ELAPOR1: variants seen among roughly 807,000 people sequenced by gnomAD.
The protein encoded by ELAPOR1 is endosome-lysosome associated apoptosis and autophagy regulator 1.
A neutral mutation model predicts 119.7 loss-of-function variants in ELAPOR1; 77 were observed. The ratio of observed to expected loss-of-function variants is 0.64; its 90% CI spans 0.54 to 0.78. ELAPOR1 has a LOEUF of 0.78. Ranked by LOEUF, ELAPOR1 falls within the 30% of genes least tolerant of loss-of-function variation. The pLI is 0.00. For missense variants in ELAPOR1, 1,115 were observed against 1,270.4 expected (o/e 0.88, Z 1.86); for synonymous variants, 481 against 487.2 (o/e 0.99, Z 0.17).
intron 3 of ELAPOR1, among the ~76,000 whole-genome samples, chr1:109,168,313 G>A (rs1216984292): frequency 6.6e-6 from 1 of 152,186 alleles, no homozygotes. Flanking sequence ...GTGATTGTGT[G>A]ATTAGTTAAG....
intron 1 of ELAPOR1, among the ~76,000 whole-genome samples, chr1:109,115,615 T>A (rs555486641): frequency 6.6e-6 from 1 of 152,268 alleles, no homozygotes; most frequent in South Asian, 2.1e-4. Context: ...GTGAACTGAT[T>A]GGCAACAACT....
At chr1:109,130,206 T>C (rs1420537648) in intron 1 of ELAPOR1, among the ~76,000 whole-genome samples, 1 of 152,234 alleles carries the variant, frequency 6.6e-6, no homozygotes, top group Non-Finnish European at 1.5e-5. Context: ...CAAAGAAGAT[T>C]ACATTCTGAG....
intron 1 of ELAPOR1, among the ~76,000 whole-genome samples, chr1:109,121,963 A>G (rs866391537): frequency 7.2e-5 from 11 of 151,826 alleles, no homozygotes; most frequent in Middle Eastern, 6.8e-3. Flanking sequence ...GGGTAGAGAC[A>G]GGGTTACATC....
At position 109,204,800 on chromosome 1, in the gene ELAPOR1, T is replaced by C. The variant is rs1178110888; in HGVS notation, c.*1788T>C. The C allele has an allele frequency of 6.6e-6, 1 of 152,286 alleles. No homozygotes were observed. Among genetic ancestry groups the C allele is most frequent in the Non-Finnish European group, 1.5e-5 (1 of 68,114 alleles). The allele number at this position is 152,286 out of a possible 1,614,324, so 9.4% of individuals were successfully genotyped here. A position where few individuals can be genotyped will look rare whatever the true frequency, so the allele number is the denominator to read the frequency against. ...AAGATTTTCACTGGGCCCAGCATGG[T>C]GGCTCACACCTGTAATCCCAAGGCA... is the stretch of plus-strand genomic sequence containing the variant. On this transcript the variant is annotated 3_prime_UTR_variant, in exon 22 of 22. Transcript: ENST00000369939.
chr1:109,186,289 G>A (rs913559207), intron 8 of ELAPOR1, among the ~76,000 whole-genome samples: 1 of 152,150 alleles, frequency 6.6e-6, no homozygotes, highest in Non-Finnish European at 1.5e-5. Context: ...GAGCAGGGAA[G>A]GGCTTGAGGT....
intron 1 of ELAPOR1, among the ~76,000 whole-genome samples, chr1:109,158,050 A>T (rs1030246154): frequency 5.9e-5 from 9 of 152,004 alleles, no homozygotes; most frequent in Non-Finnish European, 4.4e-5. Flanking sequence ...ACCACGACCG[A>T]TTAATTTTTG....
chr1:109,184,303 G>A (rs620337), intron 7 of ELAPOR1, among the ~76,000 whole-genome samples: 122,916 of 151,946 alleles, frequency 0.81, 50,659 homozygotes, highest in East Asian at 1. Context: ...CCTGGGAGGC[G>A]GAGGTTGCAG....
chr1:109,144,047 ATATATATT>A (rs1650000404), intron 1 of ELAPOR1, among the ~76,000 whole-genome samples: 2 of 46,584 alleles, frequency 4.3e-5, no homozygotes, highest in African/African-American at 1.3e-4. Context: ...ATATATATAT[ATATATATT>A]TATATATTTT....
intron 1 of ELAPOR1, among the ~76,000 whole-genome samples, chr1:109,118,649 A>G (rs1648182065): frequency 6.6e-6 from 1 of 152,190 alleles, no homozygotes; most frequent in African/African-American, 2.4e-5. Flanking sequence ...CAACTGATTG[A>G]TGGTGTAGGG....
chr1:109,174,072 G>C (rs1014795187), intron 7 of ELAPOR1, among the ~76,000 whole-genome samples: 3 of 150,424 alleles, frequency 2.0e-5, no homozygotes, highest in African/African-American at 7.4e-5. Flanking sequence ...AAGTGCCGTG[G>C]TGCGATCATA....
At chr1:109,167,591 G>A (rs1349764157) in intron 3 of ELAPOR1, among the ~76,000 whole-genome samples, 1 of 152,060 alleles carries the variant, frequency 6.6e-6, no homozygotes, top group Non-Finnish European at 1.5e-5. Context: ...TGTCCACTCA[G>A]CAGCCAGATT....
chr1:109,177,802 C>T (rs1652440231), intron 7 of ELAPOR1, among the ~76,000 whole-genome samples: 1 of 152,048 alleles, frequency 6.6e-6, no homozygotes, highest in South Asian at 2.1e-4. Flanking sequence ...TATGGTCCAG[C>T]AGTTGGGCAG....
chr1:109,150,501 A>G (rs564168004), intron 1 of ELAPOR1, among the ~76,000 whole-genome samples: 1 of 151,978 alleles, frequency 6.6e-6, no homozygotes, highest in South Asian at 2.1e-4. Flanking sequence ...GCTCTGGGGG[A>G]GAGGAGGTCT....
intron 7 of ELAPOR1, among the ~76,000 whole-genome samples, chr1:109,174,413 TAAAAAAAAAAAAAAAAA>T (rs59275691): frequency 3.8e-4 from 16 of 42,044 alleles, no homozygotes; most frequent in Non-Finnish European, 4.8e-4. Flanking sequence ...ACCCTGTCTC[TAAAAAAAAAAAAAAAAA>T]AAAAAAAAAA....
intron 3 of ELAPOR1, 55 bp downstream of exon 3, chr1:109,164,746 G>A (rs1457956370): frequency 1.3e-6 from 2 of 1,520,340 alleles, no homozygotes; most frequent in East Asian, 2.3e-5. Flanking sequence ...AGGGGCTACA[G>A]GGCACACTGG....
At chr1:109,151,969 G>A (rs1331758867) in intron 1 of ELAPOR1, among the ~76,000 whole-genome samples, 2 of 150,962 alleles carry the variant, frequency 1.3e-5, no homozygotes, top group East Asian at 3.9e-4. Flanking sequence ...CACTTCCCAG[G>A]CTCAATCAAT....
chr1:109,176,616 T>C (rs959392626), intron 7 of ELAPOR1, among the ~76,000 whole-genome samples: 16 of 149,382 alleles, frequency 1.1e-4, no homozygotes, highest in Admixed American at 9.2e-4. Context: ...CTTTTTTTTT[T>C]TTTTTTTAAT....
intron 21 of ELAPOR1, 49 bp downstream of exon 21, chr1:109,200,949 G>A (rs1654134589): frequency 1.3e-6 from 2 of 1,570,724 alleles, no homozygotes; most frequent in Non-Finnish European, 1.7e-6. Context: ...GGCTGGAGGA[G>A]ACACTGCTCC....
intron 21 of ELAPOR1, among the ~76,000 whole-genome samples, chr1:109,202,311 G>C (rs1160883338): frequency 1.3e-5 from 2 of 151,830 alleles, no homozygotes; most frequent in Non-Finnish European, 1.5e-5. Context: ...GTAGAGACAG[G>C]GTTTCACCAT....
Sources: allele counts gnomAD v4.1 joint callset (sites outside exome capture counted in the v4.1 genomes callset), GRCh38; gene constraint gnomAD v4.1.1; transcripts MANE v1.5; gene names NCBI Gene and HGNC (gene_info 2026-07-23, HGNC 2026-07-21).